Variants in DHX15 observed in about 807,000 individuals in gnomAD.
DHX15 encodes the protein ATP-dependent RNA helicase DHX15.
DHX15 carries 11 observed loss-of-function variants against 94.4 expected under a neutral mutation model. The ratio of observed to expected loss-of-function variants is 0.12; its 90% confidence interval spans 0.07 to 0.19. The LOEUF (loss-of-function observed/expected upper bound fraction) is 0.19. DHX15 is among the 10% of genes least tolerant of loss of function. The pLI, the probability that DHX15 is intolerant of heterozygous loss-of-function variation, is 1.00. For synonymous variants in DHX15, 338 were observed against 329.9 expected, an observed-to-expected ratio of 1.02 and a Z score of -0.27; for missense variants, 304 against 988.5, an observed-to-expected ratio of 0.31 and a Z score of 9.29.
chr4:24,534,300 G>A (rs1423112571), intron 11 of DHX15: 1 of 152,056 alleles, frequency 6.6e-6, no homozygotes, highest in Admixed American at 6.5e-5. Flanking sequence ...TGCCCAAGCT[G>A]GACAATAAAA....
In DHX15 at chr4:24,529,003, AAAAAAATT is replaced by A. The variant is rs937043169; in HGVS notation, c.2270+590_2270+597del. 2.4e-3 allele frequency among the ~76,000 whole-genome samples: 235 copies of A among 96,574 alleles called. 4 individuals carry two copies. In the Middle Eastern group the frequency reaches 0.047, roughly 19 times the overall value. 63.4% of individuals were successfully genotyped at this position (96,574 alleles called of 152,430 possible). A position where few individuals can be genotyped will look rare whatever the true frequency, so the allele number is the denominator to read the frequency against. The stretch of plus-strand genomic sequence containing the variant: ...TGGCTCCAAAGAAACTCTAAAAATT[AAAAAAATT>A]AAAAAAAAACCCTTTTTTAAAAGTA... On this transcript the variant is annotated intron_variant, in intron 13 of 13. Transcript: ENST00000336812.
At chr4:24,550,993 C>T (rs1009199659) in intron 5 of DHX15, among the ~76,000 whole-genome samples, 1 of 152,180 alleles carries the variant, frequency 6.6e-6, no homozygotes, top group African/African-American at 2.4e-5. Flanking sequence ...GGGAGCAGCA[C>T]CACAGCTATC....
intron 8 of DHX15, among the ~76,000 whole-genome samples, chr4:24,541,215 A>C (rs1721300695): frequency 6.6e-6 from 1 of 152,148 alleles, no homozygotes; most frequent in Non-Finnish European, 1.5e-5. Flanking sequence ...TGAACTCGCA[A>C]TTTCCATGGT....
intron 1 of DHX15, among the ~76,000 whole-genome samples, chr4:24,580,167 G>A (rs554767152): frequency 1.5e-4 from 23 of 152,198 alleles, no homozygotes; most frequent in Non-Finnish European, 2.8e-4. Flanking sequence ...CAGTGCTTTG[G>A]GAGGCCCAAG....
rs375210479 is a variant in DHX15, at chr4:24,529,396, C to T, written c.2270+205G>A. On this transcript the variant is annotated intron_variant, in intron 13 of 13. Coordinates refer to ENST00000336812, the MANE Select transcript of DHX15 (RefSeq NM_001358.3). ...ACTTCACATTTGGCTTCAAATCCTG[C>T]CCATAAATATCAACAATCCCACTGT... Among the ~76,000 whole-genome samples, 64 of 152,222 alleles carry T rather than the reference C, an allele frequency of 4.2e-4. 1 individual carries two copies. The East Asian group carries it at 5.8e-3, about 14-fold the overall frequency.
Position 24,584,328 on chromosome 4 carries a change from G to A in DHX15, c.66C>T (p.Thr22=), listed in dbSNP as rs756811130. The A allele has an allele frequency of 4.3e-6, 7 of 1,612,054 alleles. No homozygotes were observed. The highest frequency in any genetic ancestry group is 1.3e-5 in the African/African-American group (1 of 74,728). Residue 22 remains threonine (T), a synonymous_variant, in exon 1 of 14, where the codon ACC becomes ACT. Coordinates refer to ENST00000336812, the MANE Select transcript of DHX15 (RefSeq NM_001358.3). ...DYPSGKKRAG[T]DGKDRDRDRD... The stretch of plus-strand genomic sequence containing the variant: ...GCGCCCCCGGCCTGGCTTACCCATC[G>A]GTCCCCGCACGCTTCTTGCCAGAGG...
intron 5 of DHX15, among the ~76,000 whole-genome samples, chr4:24,551,950 A>G (rs1185977132): frequency 6.6e-6 from 1 of 152,236 alleles, no homozygotes; most frequent in Non-Finnish European, 1.5e-5. Context: ...CTAAGTATGC[A>G]AGGAGCTAAA....
intron 5 of DHX15, among the ~76,000 whole-genome samples, chr4:24,549,905 C>T (rs1721550916): frequency 6.6e-6 from 1 of 151,928 alleles, no homozygotes; most frequent in Non-Finnish European, 1.5e-5. Flanking sequence ...ACCACCCTGA[C>T]CAACATGGAG....
intron 1 of DHX15, among the ~76,000 whole-genome samples, chr4:24,578,216 AAGTCTCACAATTCAATACTTGAG>A (rs1722318815): frequency 6.6e-6 from 1 of 152,230 alleles, no homozygotes; most frequent in Non-Finnish European, 1.5e-5. Flanking sequence ...ACATAAAATG[AAGTCTCACAATTCAATACTTGAG>A]AGTCTGGACC....
chr4:24,584,273 G>C, intron 1 of DHX15, 50 bp downstream of exon 1: 2 of 1,569,586 alleles, frequency 1.3e-6, no homozygotes, highest in Middle Eastern at 1.7e-4. Flanking sequence ...CTCCCTGCCA[G>C]GACCCCAACA....
chr4:24,533,748 T>C (rs1043744279), intron 11 of DHX15: 1 of 152,252 alleles, frequency 6.6e-6, no homozygotes, highest in African/African-American at 2.4e-5. Context: ...TGTAGCATCA[T>C]GAAAGAAATT....
chr4:24,546,052 T>C (rs1393229060), intron 6 of DHX15, among the ~76,000 whole-genome samples: 1 of 152,080 alleles, frequency 6.6e-6, no homozygotes, highest in Non-Finnish European at 1.5e-5. Flanking sequence ...CACTTCAAAG[T>C]AGAACTCGCA....
At chr4:24,546,790 TCA>T (rs1304817778) in intron 6 of DHX15, among the ~76,000 whole-genome samples, 1 of 152,206 alleles carries the variant, frequency 6.6e-6, no homozygotes, top group Non-Finnish European at 1.5e-5. Flanking sequence ...TTATACAGAA[TCA>T]CAATTAATTT....
chr4:24,568,059 T>A (rs115667788), intron 3 of DHX15, among the ~76,000 whole-genome samples: 38 of 152,330 alleles, frequency 2.5e-4, no homozygotes, highest in African/African-American at 8.7e-4. Context: ...GAAGAAACTA[T>A]CTTATAGACC....
chr4:24,529,531 C>CT (rs1388842514), intron 13 of DHX15, 70 bp downstream of exon 13: 8 of 1,367,736 alleles, frequency 5.8e-6, no homozygotes, highest in African/African-American at 1.4e-5. Context: ...GGCCATGACT[C>CT]TAGCAACAGT....
At chr4:24,540,991 C>T (rs1721295590) in intron 8 of DHX15, 43 bp from the exon 9 acceptor site, 1 of 1,260,154 alleles carries the variant, frequency 7.9e-7, no homozygotes, top group Non-Finnish European at 1.1e-6. Context: ...TTAAAAATGC[C>T]TCAGTCTCCT....
In DHX15 at chr4:24,540,184, C is replaced by T; in HGVS notation, c.1710G>A (p.Gln570=). The stretch of plus-strand genomic sequence containing the variant: ...AACTTGCAATAACCATTTTTGCGAG[C>T]TGTGGATCTAGAGGAAACTCTGCCA... ...SMMAEFPLDP[Q]LAKMVIASCD... The change falls in exon 10 of 14, where the codon CAG becomes CAA. Residue 570 remains glutamine (Q), a synonymous_variant. Transcript: ENST00000336812. 1.2e-6 allele frequency: 2 copies of T among 1,613,248 alleles called. No homozygotes were observed. The highest frequency in any genetic ancestry group is 1.7e-6 in the Non-Finnish European group (2 of 1,179,470).
intron 1 of DHX15, 77 bp downstream of exon 1, chr4:24,584,246 A>AGCCCC: frequency 6.9e-7 from 1 of 1,439,932 alleles, no homozygotes; most frequent in South Asian, 1.2e-5. Flanking sequence ...CCGCTCGGCC[A>AGCCCC]GGCCAGCCCC....
intron 3 of DHX15, among the ~76,000 whole-genome samples, chr4:24,562,429 G>A (rs552859869): frequency 6.6e-6 from 1 of 152,294 alleles, no homozygotes; most frequent in East Asian, 1.9e-4. Context: ...CTTGCTGCAA[G>A]ACAAAACTGG....
Sources: gnomAD v4.1 joint callset for allele counts (sites outside exome capture counted in the v4.1 genomes callset) on GRCh38, gnomAD v4.1.1 for gene constraint, MANE v1.5 for transcripts, NCBI Gene and HGNC (gene_info 2026-07-23, HGNC 2026-07-21) for gene names.